Variants in ASPSCR1 observed in about 807,000 individuals in gnomAD.
The protein encoded by ASPSCR1 is ASPSCR1 tether for SLC2A4, UBX domain containing.
In ASPSCR1, 55 loss-of-function variants were observed where a neutral mutation model predicts 68.9. The ratio of observed to expected loss-of-function variants is 0.80; its 90% CI spans 0.64 to 1.00. The LOEUF is 1.00. Ranked by LOEUF, ASPSCR1 falls within the 50% of genes least tolerant of loss-of-function variation. ASPSCR1 has a pLI of 0.00. For missense variants in ASPSCR1, 765 were observed against 762.2 expected (o/e 1.00, Z -0.04); for synonymous variants, 352 against 332.6 (o/e 1.06, Z -0.63).
chr17:82,016,872 A>G lies in ASPSCR1; in HGVS notation c.1475+3A>G. On this transcript the variant is annotated splice_donor_region_variant and intron_variant, in intron 14 of 15. Transcript: ENST00000306739. ...GCGGCCGATGTGCTGGTGGCCAGGT[A>G]AGTGCCGGTGGGTCTGGGGGCACCT... 6.2e-7 allele frequency: 1 copy of G among 1,612,546 alleles called. No homozygotes were observed. Among genetic ancestry groups the G allele is most frequent in the South Asian group, 1.1e-5 (1 of 91,080 alleles).
chr17:81,980,772 C>T (rs2041769851), intron 2 of ASPSCR1, among the ~76,000 whole-genome samples: 2 of 152,164 alleles, frequency 1.3e-5, no homozygotes, highest in Admixed American at 1.3e-4. Context: ...GAAAGGAGAA[C>T]TGTGCACACA....
intron 12 of ASPSCR1, among the ~76,000 whole-genome samples, chr17:82,012,552 G>C (rs554925609): frequency 6.6e-6 from 1 of 152,142 alleles, no homozygotes; most frequent in Non-Finnish European, 1.5e-5. Context: ...TGGAGGTCTC[G>C]GCCCCCCTGG....
At chr17:82,011,717 A>G in intron 11 of ASPSCR1, 112 bp downstream of exon 11, 1 of 1,206,588 alleles carries the variant, frequency 8.3e-7, no homozygotes, top group Non-Finnish European at 1.2e-6. Context: ...CAGGAGCAGC[A>G]TCTGTGGCCT....
intron 2 of ASPSCR1, among the ~76,000 whole-genome samples, chr17:81,979,934 C>G (rs2143986885): frequency 6.6e-6 from 1 of 152,318 alleles, no homozygotes; most frequent in East Asian, 1.9e-4. Flanking sequence ...CGTGTCTATC[C>G]CACACGCGAA....
chr17:81,991,978 A>AAGCCTCTG (rs2042184272), intron 4 of ASPSCR1, among the ~76,000 whole-genome samples: 1 of 152,252 alleles, frequency 6.6e-6, no homozygotes, highest in Admixed American at 6.5e-5. Context: ...TATGCCCTCG[A>AAGCCTCTG]AGCCAGCAGC....
chr17:81,998,589 A>G (rs932083895), intron 7 of ASPSCR1, among the ~76,000 whole-genome samples: 3 of 152,232 alleles, frequency 2.0e-5, no homozygotes, highest in African/African-American at 7.2e-5. Context: ...ACTTTCTGAC[A>G]TTTAAAAAAA....
intron 9 of ASPSCR1, 74 bp from the exon 10 acceptor site, chr17:82,010,728 G>C: frequency 1.3e-6 from 2 of 1,500,826 alleles, no homozygotes. Context: ...AGCATGGGCC[G>C]AGTGGGGAGG....
At chr17:81,989,753 A>C (rs1257080942) in intron 4 of ASPSCR1, among the ~76,000 whole-genome samples, 1 of 152,174 alleles carries the variant, frequency 6.6e-6, no homozygotes, top group Non-Finnish European at 1.5e-5. Context: ...CCAGCGTCTC[A>C]AGCAGCAGGG....
chr17:81,992,039 G>A (rs1422430062), intron 4 of ASPSCR1, among the ~76,000 whole-genome samples: 1 of 152,258 alleles, frequency 6.6e-6, no homozygotes, highest in African/African-American at 2.4e-5. Flanking sequence ...GCCCTGGCCG[G>A]GTGGGGAGCT....
At chr17:81,994,612 G>GC (rs1389509315) in intron 4 of ASPSCR1, among the ~76,000 whole-genome samples, 3 of 152,338 alleles carry the variant, frequency 2.0e-5, no homozygotes, top group African/African-American at 7.2e-5. Flanking sequence ...CCTTGGGAGC[G>GC]CCCCCGGCTG....
intron 5 of ASPSCR1, 27 bp downstream of exon 5, chr17:81,994,905 G>A: frequency 1.3e-6 from 2 of 1,593,406 alleles, no homozygotes; most frequent in Non-Finnish European, 1.7e-6. Context: ...TGCTCACCCA[G>A]TCCCCGCTCA....
intron 4 of ASPSCR1, 94 bp from the exon 5 acceptor site, chr17:81,994,726 CA>C: frequency 7.5e-7 from 1 of 1,331,140 alleles, no homozygotes; most frequent in Non-Finnish European, 1.1e-6. Context: ...GTGAGGGCCC[CA>C]CACCTTTGCT....
chr17:81,990,395 T>C lies in ASPSCR1; in HGVS notation c.375-4426T>C, dbSNP rs2042121989. On this transcript the variant is annotated intron_variant, in intron 4 of 15. Coordinates refer to ENST00000306739, the MANE Select transcript of ASPSCR1 (RefSeq NM_024083.4). This position sits in a 1 kb window ranked among gnomAD's most constrained non-coding sequence, Gnocchi z 4.1. ...GCTTCGAGCTTTCCCATTTTCCCTA[T>C]AGTCTGAAGGTTCTGCCCAGCACAG... 6.6e-6 allele frequency among the ~76,000 whole-genome samples: 1 copy of C among 152,168 alleles called. No homozygotes were observed. Among genetic ancestry groups the C allele is most frequent in the Admixed American group, 6.5e-5 (1 of 15,280 alleles).
chr17:82,009,069 G>T lies in ASPSCR1; in HGVS notation c.966G>T (p.Pro322=). The change falls in exon 8 of 16, where the codon CCG becomes CCT. Residue 322 remains proline, a synonymous_variant. Coordinates refer to ENST00000306739, the MANE Select transcript of ASPSCR1 (RefSeq NM_024083.4). The part of the protein sequence containing the change: ...PVDREPVDRE[P]VVCHPDLEER... ...ACCGGGAGCCCGTGGACCGGGAGCC[G>T]GTGGTGTGCCACCCCGACCTGGAGG... is the stretch of plus-strand genomic sequence containing the variant. 1 of 1,565,390 alleles carries T rather than the reference G, an allele frequency of 6.4e-7. No homozygotes were observed. The highest frequency in any genetic ancestry group is 8.7e-7 in the Non-Finnish European group (1 of 1,154,652).
intron 7 of ASPSCR1, 37 bp from the exon 8 acceptor site, chr17:82,009,000 C>G: frequency 2.7e-6 from 4 of 1,468,182 alleles, no homozygotes; most frequent in Non-Finnish European, 3.6e-6. Flanking sequence ...GGGCCCAGCC[C>G]GTGACACCCG....
At chr17:81,989,433 C>T (rs529847358) in intron 4 of ASPSCR1, among the ~76,000 whole-genome samples, 14 of 152,162 alleles carry the variant, frequency 9.2e-5, no homozygotes, top group African/African-American at 3.1e-4. Flanking sequence ...TGCACTGGCC[C>T]AGGAGGCTTG....
At chr17:82,010,325 C>A (rs531688038) in intron 9 of ASPSCR1, among the ~76,000 whole-genome samples, 1 of 151,064 alleles carries the variant, frequency 6.6e-6, no homozygotes, top group Admixed American at 6.6e-5. Flanking sequence ...GTCAGGAGAT[C>A]GAGACCATCC....
rs770278210 is a variant in ASPSCR1 at position 82,017,307 on chromosome 17, A to T, written c.1649-2A>T. On this transcript the variant is annotated splice_acceptor_variant, in intron 15 of 15. Transcript: ENST00000306739. LOFTEE classifies it high-confidence loss of function. ...GGTCACCCTGATGTGTCTGCACTAC[A>T]GCCAGCAAGAGGTGAGAGCTGCCAG... The T allele has an allele frequency of 6.2e-7, 1 of 1,611,502 alleles. No individual in the cohort carries two copies. Among genetic ancestry groups the T allele is most frequent in the East Asian group, 2.2e-5 (1 of 44,886 alleles).
Position 81,996,944 on chromosome 17 carries a change from A to G in ASPSCR1, c.933+98A>G, listed in dbSNP as rs569553210. The stretch of plus-strand genomic sequence containing the variant: ...TGGTCAGCCTGGTGGCGTGGCCGTG[A>G]TGCGGGCAGAGGAACCCAAACGCGC... On this transcript the variant is annotated intron_variant, in intron 7 of 15. Coordinates refer to ENST00000306739, the MANE Select transcript of ASPSCR1 (RefSeq NM_024083.4). 14 of 1,508,872 alleles carry G rather than the reference A, an allele frequency of 9.3e-6. No individual in the cohort carries two copies. In the South Asian group the frequency reaches 1.6e-4, roughly 18 times the overall value. The allele number at this position is 1,508,872 out of a possible 1,614,324, so 93.5% of individuals were successfully genotyped here. A position where few individuals can be genotyped will look rare whatever the true frequency, so the allele number is the denominator to read the frequency against.
Sources: gnomAD v4.1 joint callset for allele counts (sites outside exome capture counted in the v4.1 genomes callset) on GRCh38, gnomAD v4.1.1 for gene constraint, Gnocchi (gnomAD v3.1) non-coding constraint, MANE v1.5 for transcripts, NCBI Gene and HGNC (gene_info 2026-07-23, HGNC 2026-07-21) for gene names.